DMD: variants seen among roughly 807,000 people sequenced by gnomAD.
The protein encoded by DMD is mutant dystrophin.
DMD carries 63 observed loss-of-function variants against 330.1 expected under a neutral mutation model. The ratio of observed to expected loss-of-function variants is 0.19; its 90% CI spans 0.16 to 0.24. DMD has a LOEUF of 0.24. Ranked by LOEUF, DMD falls within the 10% of genes least tolerant of loss-of-function variation. The probability of loss-of-function intolerance (pLI) is 1.00; values close to 1 mark genes in which losing one functional copy is unlikely to be tolerated. For missense variants in DMD, 3,344 were observed against 2,684.1 expected (o/e 1.25, Z -5.43); for synonymous variants, 1,223 against 959.8 (o/e 1.27, Z -5.07).
At chrX:32,876,808 T>C (rs983039650) in intron 2 of DMD, among the ~76,000 whole-genome samples, 2 of 112,350 alleles carry the variant, frequency 1.8e-5, no homozygotes, top group Non-Finnish European at 3.8e-5. Context: ...TTTGACTGAG[T>C]TGTACCATAG....
intron 2 of DMD, among the ~76,000 whole-genome samples, chrX:32,982,523 C>T (rs1173337725): frequency 9.0e-6 from 1 of 111,694 alleles, no homozygotes; most frequent in Non-Finnish European, 1.9e-5. Context: ...GGTAAGATAA[C>T]TTCGACCCAT....
intron 47 of DMD, among the ~76,000 whole-genome samples, chrX:31,910,180 T>C (rs780421626): frequency 1.8e-5 from 2 of 112,206 alleles, no homozygotes; most frequent in South Asian, 7.4e-4. Context: ...GTGGATTTGT[T>C]GGAAAAAATT....
intron 44 of DMD, among the ~76,000 whole-genome samples, chrX:32,204,388 C>T (rs755733022): frequency 1.8e-5 from 2 of 112,601 alleles, no homozygotes; most frequent in South Asian, 3.6e-4. Flanking sequence ...AAGCAAGGCA[C>T]TAAACCAACT....
chrX:32,085,148 G>A, intron 44 of DMD, among the ~76,000 whole-genome samples: 1 of 111,403 alleles, frequency 9.0e-6, no homozygotes, highest in Non-Finnish European at 1.9e-5. Flanking sequence ...CTTGCCACAA[G>A]TTTGGATGGA....
chrX:32,553,523 T>A (rs1174890111), intron 16 of DMD, among the ~76,000 whole-genome samples: 1 of 110,885 alleles, frequency 9.0e-6, no homozygotes, highest in Non-Finnish European at 1.9e-5. Flanking sequence ...ATGCAATTTA[T>A]CTATATGACA....
intron 7 of DMD, among the ~76,000 whole-genome samples, chrX:32,801,192 T>C (rs760722382): frequency 9.0e-6 from 1 of 111,607 alleles, no homozygotes; most frequent in East Asian, 2.8e-4. Context: ...ATCTGTTGTT[T>C]CCTGACTTTT....
intron 60 of DMD, among the ~76,000 whole-genome samples, chrX:31,377,330 A>C (rs188662810): frequency 8.9e-6 from 1 of 112,028 alleles, no homozygotes. Context: ...TAACAGCCTA[A>C]TTATTAGGGT....
chrX:33,176,585 C>T (rs868103661), intron 1 of DMD, among the ~76,000 whole-genome samples: 9 of 81,113 alleles, frequency 1.1e-4, no homozygotes, highest in South Asian at 4.8e-4. Context: ...TGTGTGTGTG[C>T]GCTCATGTGC....
intron 34 of DMD, among the ~76,000 whole-genome samples, chrX:32,376,226 G>T (rs978722452): frequency 1.8e-5 from 2 of 111,739 alleles, no homozygotes; most frequent in East Asian, 5.6e-4. Flanking sequence ...AGTGAGCCGA[G>T]ATCGGGCCAT....
chrX:32,783,059 T>C (rs1272943957), intron 7 of DMD, among the ~76,000 whole-genome samples: 2 of 98,170 alleles, frequency 2.0e-5, no homozygotes, highest in Admixed American at 1.1e-4. Flanking sequence ...CACATATACA[T>C]ATATGGTGTA....
At chrX:32,116,599 G>A (rs927811940) in intron 44 of DMD, among the ~76,000 whole-genome samples, 6 of 111,740 alleles carry the variant, frequency 5.4e-5, no homozygotes, top group African/African-American at 2.0e-4. Flanking sequence ...CAACAGATAC[G>A]GGAAGGGGCT....
At chrX:31,318,572 T>C (rs187733446) in intron 62 of DMD, among the ~76,000 whole-genome samples, 76 of 112,206 alleles carry the variant, frequency 6.8e-4, no homozygotes, top group Non-Finnish European at 1.1e-3. Context: ...GAAACATGCC[T>C]GAGATTGAGA....
intron 44 of DMD, among the ~76,000 whole-genome samples, chrX:32,178,862 TGTAC>T (rs1274927415): frequency 3.9e-5 from 4 of 101,989 alleles, no homozygotes; most frequent in East Asian, 3.3e-4. Flanking sequence ...TGTGTGTGTG[TGTAC>T]ACACGATTCT....
In DMD at chrX:31,119,710, T is replaced by TGTAAA. The variant is rs1327505038; in HGVS notation, c.*2204_*2208dup. On this transcript the variant is annotated 3_prime_UTR_variant, in exon 79 of 79. Transcript: ENST00000357033. ...TACTTACTTAAACTTCTTAGTAGGA[T>TGTAAA]GTAAAGTAACCCCTTGTTTTAAATC... The TGTAAA allele has an allele frequency of 1.8e-5, 2 of 112,028 alleles. No individual in the cohort carries two copies. The highest frequency in any genetic ancestry group is 9.6e-5 in the Admixed American group (1 of 10,458). 9.2% of individuals were successfully genotyped at this position (112,028 alleles called of 1,213,427 possible).
At chrX:33,219,469 A>C (rs1165113763) in intron 1 of DMD, among the ~76,000 whole-genome samples, 1 of 76,532 alleles carries the variant, frequency 1.3e-5, no homozygotes. Context: ...TCCACTGGAC[A>C]AAAAAAAAAA....
chrX:32,603,079 C>T (rs923536580), intron 12 of DMD, among the ~76,000 whole-genome samples: 3 of 110,971 alleles, frequency 2.7e-5, no homozygotes, highest in Non-Finnish European at 3.8e-5. Context: ...CTCATCTGCA[C>T]GTGGATCATT....
intron 9 of DMD, among the ~76,000 whole-genome samples, chrX:32,669,461 A>G (rs965995375): frequency 7.1e-5 from 8 of 111,984 alleles, no homozygotes; most frequent in African/African-American, 2.6e-4. Flanking sequence ...CTACAGATAG[A>G]TAGATCGATC....
intron 9 of DMD, among the ~76,000 whole-genome samples, chrX:32,686,325 A>C (rs1320992065): frequency 1.8e-5 from 2 of 110,984 alleles, no homozygotes; most frequent in East Asian, 5.7e-4. Context: ...TGGATGGCCA[A>C]GGCGGCTGGA....
chrX:32,230,472 C>T (rs331363), intron 43 of DMD, among the ~76,000 whole-genome samples: 24,348 of 110,935 alleles, frequency 0.22, 2,260 homozygotes, highest in Non-Finnish European at 0.29. Context: ...GTCTCGATCT[C>T]CTGACCTCGT....
Sources: gnomAD v4.1 joint callset for allele counts (sites outside exome capture counted in the v4.1 genomes callset) on GRCh38, gnomAD v4.1.1 for gene constraint, MANE v1.5 for transcripts, NCBI Gene and HGNC (gene_info 2026-07-23, HGNC 2026-07-21) for gene names.